DAAM1: variants seen among roughly 807,000 people sequenced by gnomAD.
DAAM1 encodes the protein dishevelled associated activator of morphogenesis 1.
DAAM1 carries 52 observed loss-of-function variants against 130.0 expected under a neutral mutation model. The observed-to-expected ratio is 0.40, with a 90% CI of 0.32 to 0.50. The LOEUF (loss-of-function observed/expected upper bound fraction) is 0.50. DAAM1 is among the 20% of genes least tolerant of loss of function. The probability of loss-of-function intolerance (pLI) is 0.61; values close to 1 mark genes in which losing one functional copy is unlikely to be tolerated. For synonymous variants in DAAM1, 452 were observed against 444.5 expected (o/e 1.02, Z -0.21); for missense variants, 1,134 against 1,303.8 (o/e 0.87, Z 2.01).
At chr14:59,255,282 G>A (rs1881826711) in intron 1 of DAAM1, among the ~76,000 whole-genome samples, 2 of 152,174 alleles carry the variant, frequency 1.3e-5, no homozygotes, top group African/African-American at 4.8e-5. Flanking sequence ...CACACTGACT[G>A]AGAAACGCCC....
At chr14:59,272,026 A>G (rs2139523372) in intron 2 of DAAM1, among the ~76,000 whole-genome samples, 1 of 152,326 alleles carries the variant, frequency 6.6e-6, no homozygotes, top group Non-Finnish European at 1.5e-5. Flanking sequence ...ATTAGAGTAT[A>G]AAGGATTGCT....
intron 1 of DAAM1, among the ~76,000 whole-genome samples, chr14:59,189,710 C>T (rs1335514788): frequency 1.3e-5 from 2 of 152,192 alleles, no homozygotes; most frequent in Admixed American, 6.5e-5. Context: ...TCGGCTTGCC[C>T]TCTGAGTGGA....
chr14:59,313,269 G>A (rs1348727165), intron 3 of DAAM1, among the ~76,000 whole-genome samples: 1 of 152,166 alleles, frequency 6.6e-6, no homozygotes, highest in Non-Finnish European at 1.5e-5. Context: ...GAGATACATT[G>A]CCCAAATTAA....
At chr14:59,269,061 T>G (rs1458279631) in intron 2 of DAAM1, among the ~76,000 whole-genome samples, 2 of 152,222 alleles carry the variant, frequency 1.3e-5, no homozygotes, top group Non-Finnish European at 1.5e-5. Flanking sequence ...TTTTGATGTG[T>G]GCATGTTAAG....
Position 59,282,140 on chromosome 14 carries a change from A to G in DAAM1, c.184-9077A>G, listed in dbSNP as rs147109504. ...CACTGTCCCACCTTTCCCCATAACA[A>G]GTGGGCTCTCAGAACTCAACTTAGT... is the stretch of plus-strand genomic sequence containing the variant. On this transcript the variant is annotated intron_variant, in intron 2 of 24. Transcript: ENST00000360909. Among the ~76,000 whole-genome samples, 649 of 152,224 alleles carry G rather than the reference A, an allele frequency of 4.3e-3. 1 individual carries two copies. The highest frequency in any genetic ancestry group is 9.5e-3 in the Admixed American group (145 of 15,268).
chr14:59,277,424 G>T (rs1883019179), intron 2 of DAAM1, among the ~76,000 whole-genome samples: 1 of 151,832 alleles, frequency 6.6e-6, no homozygotes, highest in Admixed American at 6.6e-5. Context: ...ATGAAGCCTA[G>T]AACTTTAGTT....
intron 12 of DAAM1, among the ~76,000 whole-genome samples, chr14:59,328,125 T>C (rs1885280822): frequency 6.6e-6 from 1 of 152,200 alleles, no homozygotes; most frequent in African/African-American, 2.4e-5. Context: ...GAAAAGCAGG[T>C]CCCAGAGATG....
intron 2 of DAAM1, among the ~76,000 whole-genome samples, chr14:59,288,832 G>GAGAGAGAGAGAGAGAGAGAGA (rs1883577878): frequency 1.4e-5 from 2 of 143,888 alleles, no homozygotes; most frequent in African/African-American, 5.4e-5. Flanking sequence ...TGTGATAGCA[G>GAGAGAGAGAGAGAGAGAGAGA]GAGAGAGAGA....
At chr14:59,286,797 AC>A (rs1883477995) in intron 2 of DAAM1, among the ~76,000 whole-genome samples, 1 of 152,090 alleles carries the variant, frequency 6.6e-6, no homozygotes, top group African/African-American at 2.4e-5. Flanking sequence ...ACAAAAAAAT[AC>A]CTACCAACCA....
chr14:59,222,829 T>C (rs113971277), intron 1 of DAAM1, among the ~76,000 whole-genome samples: 9,179 of 152,294 alleles, frequency 0.06, 382 homozygotes, highest in Non-Finnish European at 0.09. Context: ...TCTGTGGACA[T>C]CCAGCCATGC....
intron 1 of DAAM1, among the ~76,000 whole-genome samples, chr14:59,239,092 G>A (rs1049697329): frequency 1.6e-4 from 24 of 152,180 alleles, no homozygotes; most frequent in African/African-American, 4.8e-4. Context: ...CTGATTGCCT[G>A]TGCCTCTCTC....
At chr14:59,289,436 T>G (rs1266210) in intron 2 of DAAM1, among the ~76,000 whole-genome samples, 1 of 151,948 alleles carries the variant, frequency 6.6e-6, no homozygotes, top group Non-Finnish European at 1.5e-5. Context: ...CAATGAGATA[T>G]CATACCATCA....
chr14:59,347,931 G>A (rs368155433), intron 17 of DAAM1, among the ~76,000 whole-genome samples: 3 of 152,308 alleles, frequency 2.0e-5, no homozygotes, highest in East Asian at 3.9e-4. Flanking sequence ...GAAAATCTGT[G>A]TTTCACAGGA....
At chr14:59,304,598 A>C (rs1379606947) in intron 3 of DAAM1, among the ~76,000 whole-genome samples, 1 of 152,174 alleles carries the variant, frequency 6.6e-6, no homozygotes, top group Non-Finnish European at 1.5e-5. Flanking sequence ...CATAAGGAAA[A>C]GCATTTTGTT....
intron 24 of DAAM1, among the ~76,000 whole-genome samples, 194 bp downstream of exon 24, chr14:59,367,793 A>T (rs1193964224): frequency 6.6e-6 from 1 of 152,190 alleles, no homozygotes; most frequent in African/African-American, 2.4e-5. Flanking sequence ...CCTTAAAAAA[A>T]AAATCTATCC....
chr14:59,271,448 A>T (rs568378588), intron 2 of DAAM1, among the ~76,000 whole-genome samples: 79 of 152,346 alleles, frequency 5.2e-4, no homozygotes, highest in African/African-American at 1.8e-3. Flanking sequence ...AGTCATCAGC[A>T]TAGAATTTGA....
intron 1 of DAAM1, among the ~76,000 whole-genome samples, chr14:59,250,521 G>T (rs1012773697): frequency 6.6e-6 from 1 of 152,150 alleles, no homozygotes; most frequent in Admixed American, 6.5e-5. Flanking sequence ...AACAACTAAG[G>T]AGTTATTGAG....
At chr14:59,233,409 C>T (rs1889178478) in intron 1 of DAAM1, among the ~76,000 whole-genome samples, 5 of 151,928 alleles carry the variant, frequency 3.3e-5, no homozygotes, top group Admixed American at 1.3e-4. Context: ...GATTTTTTTC[C>T]TATATTTGTT....
intron 1 of DAAM1, among the ~76,000 whole-genome samples, chr14:59,247,718 TA>T (rs74787727): frequency 0.066 from 9,536 of 145,534 alleles, 377 homozygotes; most frequent in Non-Finnish European, 0.096. Flanking sequence ...AAGCTCATGT[TA>T]AAAAAAAAAA....
Sources: allele counts gnomAD v4.1 joint callset (sites outside exome capture counted in the v4.1 genomes callset), GRCh38; gene constraint gnomAD v4.1.1; transcripts MANE v1.5; gene names NCBI Gene and HGNC (gene_info 2026-07-23, HGNC 2026-07-21).